The following MIA3 variants were observed in gnomAD, a reference collection of about 807,000 sequenced individuals.
MIA3 encodes MIA SH3 domain ER export factor 3.
Under a neutral mutation model 192.4 loss-of-function variants are expected in MIA3, and 90 were observed. The observed-to-expected ratio is 0.47, with a 90% confidence interval of 0.39 to 0.56. The LOEUF is 0.56. MIA3 is among the 20% of genes least tolerant of loss of function. The pLI is 0.00. For missense variants in MIA3, 2,123 were observed against 2,269.4 expected (o/e 0.94, Z 1.31); for synonymous variants, 740 against 792.8 (o/e 0.93, Z 1.12).
At chr1:222,642,536 TTTG>T (rs1662909321) in intron 6 of MIA3, among the ~76,000 whole-genome samples, 1 of 152,208 alleles carries the variant, frequency 6.6e-6, no homozygotes, top group Non-Finnish European at 1.5e-5. Flanking sequence ...TTTTTCAGCA[TTTG>T]TTGTTATATC....
chr1:222,650,094 A>G, intron 8 of MIA3, 198 bp from the exon 9 acceptor site: 1 of 577,032 alleles, frequency 1.7e-6, no homozygotes. Flanking sequence ...CCCCACCTGA[A>G]CACTGGGTAC....
rs1662180909 is a variant in MIA3, at chr1:222,627,675, C to T, written c.455C>T (p.Thr152Ile). ...TTGGAACTGTACAATTCTGCAGCTACAGATTCTGAGAAAGCTGTAGAAAAA... is the reference window on the plus strand; with the variant it reads ...TTGGAACTGTACAATTCTGCAGCTATAGATTCTGAGAAAGCTGTAGAAAAA... Reference protein sequence around the residue: ...GFLELYNSAATDSEKAVEKTL... With the variant: ...GFLELYNSAAIDSEKAVEKTL... Residue 152 changes from threonine (T) to isoleucine (I), a missense_variant, in exon 4 of 28, where the codon ACA becomes ATA. By Grantham distance (89) the Thr-to-Ile change is moderately conservative. This residue lies in a region of MIA3 where 1,357 missense variants were observed against 1,396.1 expected (regional missense o/e 0.97). Coordinates refer to ENST00000344922, the MANE Select transcript of MIA3 (RefSeq NM_198551.4). 1 of 1,613,076 alleles carries T rather than the reference C, an allele frequency of 6.2e-7. No homozygotes were observed. The highest frequency in any genetic ancestry group is 1.3e-5 in the African/African-American group (1 of 74,762).
At position 222,621,195 on chromosome 1, in the gene MIA3, C is replaced by T. The variant is rs1661839020; in HGVS notation, c.170C>T (p.Thr57Ile). 2 of 1,613,280 alleles carry T rather than the reference C, an allele frequency of 1.2e-6. No homozygotes were observed. The highest frequency in any genetic ancestry group is 2.7e-5 in the African/African-American group (2 of 74,854). The stretch of plus-strand genomic sequence containing the variant: ...CGCGGTGAGGCTCTTGAAGATTTCA[C>T]AGGCCCGGATTGTCGTTTTGTGAAT... The part of the protein sequence containing the change: ...MYRGEALEDF[T>I]GPDCRFVNFK... The change falls in exon 2 of 28, where the codon ACA becomes ATA. Residue 57 changes from threonine (T) to isoleucine (I), a missense_variant. Thr to Ile is a moderately conservative substitution (Grantham distance 89, BLOSUM62 -1). Transcript: ENST00000344922.
At chr1:222,659,122 C>T (rs888821915) in intron 19 of MIA3, 10 of 420,494 alleles carry the variant, frequency 2.4e-5, no homozygotes, top group African/African-American at 4.1e-5. Context: ...ACCCAGTAGT[C>T]CTAACTTTGG....
Position 222,650,482 on chromosome 1 carries a change from ATT to A in MIA3, c.3720+103_3720+104del, listed in dbSNP as rs1000860608. ...ACTATGGTATTTTTAAATAGTATTTATTATTACATTAATTCCTATAAACCATC... is the reference window on the plus strand; with the variant it reads ...ACTATGGTATTTTTAAATAGTATTTAATTACATTAATTCCTATAAACCATC... On this transcript the variant is annotated intron_variant, in intron 9 of 27. Transcript: ENST00000344922. 1.1e-5 allele frequency: 9 copies of A among 808,566 alleles called. No homozygotes were observed. In the African/African-American group the frequency reaches 1.4e-4, roughly 13 times the overall value. The allele number at this position is 808,566 out of a possible 1,614,324, so 50.1% of individuals were successfully genotyped here.
chr1:222,664,144 C>A lies in MIA3; in HGVS notation c.5409C>A (p.Pro1803=), dbSNP rs931590941. The A allele has an allele frequency of 1.9e-6, 3 of 1,614,042 alleles. No homozygotes were observed. In the Admixed American group the frequency reaches 5.0e-5, roughly 27 times the overall value. ...TTGGGCCTCGGCCACTTCCTCCACC[C>A]TTTGGTAAGATGATCTGAACAGTAG... ...GPFGPRPLPP[P]FGPGMRPPLG... Residue 1803 remains proline, a synonymous_variant, in exon 27 of 28, where the codon CCC becomes CCA. Coordinates refer to ENST00000344922, the MANE Select transcript of MIA3 (RefSeq NM_198551.4).
chr1:222,638,455 C>T (rs1006675640), intron 6 of MIA3, among the ~76,000 whole-genome samples: 9 of 152,090 alleles, frequency 5.9e-5, no homozygotes, highest in Non-Finnish European at 8.8e-5. Flanking sequence ...CTTTGGAAGG[C>T]TGAGGCAGGA....
chr1:222,649,365 G>A (rs1467102161), intron 8 of MIA3: 3 of 152,320 alleles, frequency 2.0e-5, no homozygotes, highest in Non-Finnish European at 2.9e-5. Flanking sequence ...AACTCTCATT[G>A]AAATAAAGGT....
chr1:222,643,372 C>T (rs1571884695), intron 6 of MIA3, among the ~76,000 whole-genome samples: 1 of 152,164 alleles, frequency 6.6e-6, no homozygotes, highest in Admixed American at 6.5e-5. Flanking sequence ...GCCCCGTGGT[C>T]GGTCTGCATC....
Position 222,660,232 on chromosome 1 carries a change from C to T in MIA3, c.5031C>T (p.Cys1677=), listed in dbSNP as rs748266634. 1.2e-6 allele frequency: 2 copies of T among 1,613,786 alleles called. No homozygotes were observed. Among genetic ancestry groups the T allele is most frequent in the South Asian group, 2.2e-5 (2 of 91,082 alleles). The change falls in exon 24 of 28, where the codon TGC becomes TGT. Residue 1677 remains cysteine, a synonymous_variant. Coordinates refer to ENST00000344922, the MANE Select transcript of MIA3 (RefSeq NM_198551.4). ...CATCCCCTGTGAGTGGTGGAGAATG[C>T]TCCCCTCCATTGACAGTGGAGCCAC... ...FGPSPVSGGE[C]SPPLTVEPPV... is the part of the protein sequence containing the mutation.
In MIA3 at chr1:222,654,701, C is replaced by T; in HGVS notation, c.4515C>T (p.Ala1505=). The T allele has an allele frequency of 6.2e-7, 1 of 1,613,940 alleles. No homozygotes were observed. The highest frequency in any genetic ancestry group is 8.5e-7 in the Non-Finnish European group (1 of 1,179,936). Residue 1505 remains alanine, a synonymous_variant, in exon 18 of 28, where the codon GCC becomes GCT. Coordinates refer to ENST00000344922, the MANE Select transcript of MIA3 (RefSeq NM_198551.4). The part of the protein sequence containing the change: ...LEDDRNSLQA[A]KAGLEDECKT... ...ATGACCGCAACTCACTACAAGCTGC[C>T]AAAGCTGGACTGGAAGATGAATGCA...
Position 222,618,270 on chromosome 1 carries a change from C to G in MIA3, c.133+27C>G. 2.2e-6 allele frequency: 3 copies of G among 1,370,034 alleles called. 1 individual carries two copies. In the South Asian group the frequency reaches 4.5e-5, roughly 21 times the overall value. The allele number at this position is 1,370,034 out of a possible 1,614,324, so 84.9% of individuals were successfully genotyped here. A position where few individuals can be genotyped will look rare whatever the true frequency, so the allele number is the denominator to read the frequency against. ...TGAGTGCGCTGGAGGGGCGGCTGGC[C>G]TCGGGGCGGCTGGCCTTGGGGTCTC... On this transcript the variant is annotated intron_variant, in intron 1 of 27. Transcript: ENST00000344922.
At position 222,652,321 on chromosome 1, in the gene MIA3, A is replaced by C. The variant is rs772053406; in HGVS notation, c.4075A>C (p.Lys1359Gln). The stretch of plus-strand genomic sequence containing the variant: ...AGAAGAAAATGCTAGGCTTAAGAAG[A>C]AAAAAGAGCAGGTAAAGGAAAGTGC... Reference protein sequence around the residue: ...VQEENARLKKKKEQLQQEIED... With the variant: ...VQEENARLKKQKEQLQQEIED... Residue 1359 changes from lysine to glutamine, a missense_variant, in exon 13 of 28, where the codon AAA (lysine) becomes CAA (glutamine). Transcript: ENST00000344922. The C allele has an allele frequency of 5.6e-6, 9 of 1,612,008 alleles. No individual in the cohort carries two copies. The South Asian group carries it at 9.9e-5, about 18-fold the overall frequency.
At chr1:222,630,458 A>G (rs1662348355) in intron 4 of MIA3, 69 bp downstream of exon 4, 1 of 1,471,624 alleles carries the variant, frequency 6.8e-7, no homozygotes, top group Non-Finnish European at 9.1e-7. Flanking sequence ...GGTGCCTCCT[A>G]TCTTGTGAAG....
rs1456139034 is a variant in MIA3 at position 222,648,844 on chromosome 1, T to C, written c.3625T>C (p.Tyr1209His). The stretch of plus-strand genomic sequence containing the variant: ...TCTTTTCTAGGTGAAGGATAGAGTA[T>C]ATCAAGGTAAATCTTTAGGCTTTTT... ...RTVLVVKDRV[Y>H]QVTEQQISEK... is the part of the protein sequence containing the mutation. The change falls in exon 8 of 28, where the codon TAT becomes CAT. Residue 1209 changes from tyrosine (Y) to histidine (H), a missense_variant. Around this residue, in one of 3 missense-constraint regions of MIA3, gnomAD observed 762 missense variants for 856.4 expected, o/e 0.89. Transcript: ENST00000344922. 1 of 1,450,956 alleles carries C rather than the reference T, an allele frequency of 6.9e-7. No individual in the cohort carries two copies. The allele number at this position is 1,450,956 out of a possible 1,614,324, so 89.9% of individuals were successfully genotyped here.
chr1:222,651,118 A>G (rs1663408009), intron 11 of MIA3, among the ~76,000 whole-genome samples: 1 of 152,120 alleles, frequency 6.6e-6, no homozygotes, highest in South Asian at 2.1e-4. Context: ...AACCCTAGGT[A>G]ATTGTCATAT....
intron 19 of MIA3, 70 bp downstream of exon 19, chr1:222,658,893 A>G: frequency 2.1e-6 from 2 of 965,798 alleles, no homozygotes; most frequent in Non-Finnish European, 3.2e-6. Flanking sequence ...ATTAGCACAA[A>G]AGCATAAATA....
At chr1:222,624,280 A>G (rs1418107466) in intron 2 of MIA3, among the ~76,000 whole-genome samples, 1 of 152,260 alleles carries the variant, frequency 6.6e-6, no homozygotes, top group African/African-American at 2.4e-5. Context: ...CTCAGATCTT[A>G]CATGGCACCT....
intron 6 of MIA3, among the ~76,000 whole-genome samples, chr1:222,637,342 A>G (rs1434481469): frequency 2.0e-5 from 3 of 152,194 alleles, no homozygotes; most frequent in Non-Finnish European, 4.4e-5. Flanking sequence ...AGGAGATGTT[A>G]TGTACTTCCA....
Sources: allele counts gnomAD v4.1 joint callset (sites outside exome capture counted in the v4.1 genomes callset), GRCh38; gene constraint gnomAD v4.1.1; regional missense constraint gnomAD v4.1.1; transcripts MANE v1.5; gene names NCBI Gene and HGNC (gene_info 2026-07-23, HGNC 2026-07-21).